Variants in ATF2 observed in about 807,000 individuals in gnomAD.
The protein encoded by ATF2 is activating transcription factor 2, also known as cyclic AMP-dependent transcription factor ATF-2.
Under a neutral mutation model 60.6 loss-of-function variants are expected in ATF2, and 24 were observed. The ratio of observed to expected loss-of-function variants is 0.40; its 90% CI spans 0.29 to 0.56. The LOEUF (loss-of-function observed/expected upper bound fraction) is 0.56, where lower values mean the gene tolerates loss of function less well. Among genes scored for constraint, ATF2 ranks in the 20% least tolerant of loss-of-function variants. ATF2 has a pLI of 0.54. For missense variants in ATF2, 433 were observed against 607.7 expected, an observed-to-expected ratio of 0.71 and a Z score of 3.02; for synonymous variants, 206 against 215.4, an observed-to-expected ratio of 0.96 and a Z score of 0.38.
intron 11 of ATF2, among the ~76,000 whole-genome samples, chr2:175,095,924 C>A (rs1694904903): frequency 6.6e-6 from 1 of 152,050 alleles, no homozygotes; most frequent in African/African-American, 2.4e-5. Flanking sequence ...ATTGTTAAAC[C>A]CTGAGGTATA....
At chr2:175,109,670 C>T (rs1242546241) in intron 10 of ATF2, among the ~76,000 whole-genome samples, 2 of 152,168 alleles carry the variant, frequency 1.3e-5, no homozygotes, top group African/African-American at 4.8e-5. Flanking sequence ...AGATGCAGTA[C>T]ACAATAACAG....
At chr2:175,154,482 T>TA (rs937925664) in intron 1 of ATF2, among the ~76,000 whole-genome samples, 5 of 151,366 alleles carry the variant, frequency 3.3e-5, no homozygotes, top group Non-Finnish European at 2.9e-5. Context: ...AACTTTTTTT[T>TA]AAAAAAAAGT....
At chr2:175,144,028 A>T (rs1331933409) in intron 2 of ATF2, among the ~76,000 whole-genome samples, 2 of 152,132 alleles carry the variant, frequency 1.3e-5, no homozygotes, top group Non-Finnish European at 2.9e-5. Context: ...TCCTAGGCTC[A>T]AGCCATCCTC....
intron 13 of ATF2, among the ~76,000 whole-genome samples, chr2:175,079,670 T>C (rs212349): frequency 0.21 from 31,449 of 152,084 alleles, 3,908 homozygotes; most frequent in African/African-American, 0.36. Context: ...AAACTGCTTA[T>C]AATGACTACA....
At chr2:175,144,770 G>A (rs1574476676) in intron 2 of ATF2, among the ~76,000 whole-genome samples, 1 of 152,322 alleles carries the variant, frequency 6.6e-6, no homozygotes, top group Non-Finnish European at 1.5e-5. Context: ...GCAGCCTGAT[G>A]TGAGCTGTCA....
At chr2:175,107,644 T>C (rs1695772276) in intron 10 of ATF2, among the ~76,000 whole-genome samples, 1 of 152,154 alleles carries the variant, frequency 6.6e-6, no homozygotes, top group Non-Finnish European at 1.5e-5. Context: ...TGCCGCCATC[T>C]CTGCTCACTG....
chr2:175,089,225 G>T (rs2105574478), intron 12 of ATF2, among the ~76,000 whole-genome samples: 1 of 151,542 alleles, frequency 6.6e-6, no homozygotes, highest in East Asian at 1.9e-4. Flanking sequence ...TTCAATTTTT[G>T]GTCTAGATTA....
At chr2:175,148,875 C>A (rs936604104) in intron 2 of ATF2, among the ~76,000 whole-genome samples, 1 of 152,122 alleles carries the variant, frequency 6.6e-6, no homozygotes, top group African/African-American at 2.4e-5. Flanking sequence ...AGTTGTCCTA[C>A]CTTTCTGGAC....
At chr2:175,167,605 G>A (rs1215592680) in intron 1 of ATF2, 2 of 480,498 alleles carry the variant, frequency 4.2e-6, no homozygotes, top group South Asian at 1.5e-5. Context: ...GGAGACCAGA[G>A]TGGGCCCTCT....
At chr2:175,087,171 G>T (rs1168368043) in intron 12 of ATF2, among the ~76,000 whole-genome samples, 2 of 152,102 alleles carry the variant, frequency 1.3e-5, no homozygotes, top group Non-Finnish European at 2.9e-5. Flanking sequence ...TCTACTATTT[G>T]TGAGTTAGTA....
At chr2:175,150,836 A>T (rs982191776) in intron 2 of ATF2, among the ~76,000 whole-genome samples, 1 of 152,172 alleles carries the variant, frequency 6.6e-6, no homozygotes, top group Non-Finnish European at 1.5e-5. Context: ...TATTTAACCT[A>T]AGTCCTCATT....
intron 1 of ATF2, among the ~76,000 whole-genome samples, chr2:175,151,674 A>G (rs1439740327): frequency 6.6e-6 from 1 of 152,190 alleles, no homozygotes; most frequent in African/African-American, 2.4e-5. Flanking sequence ...TGTTAATGAT[A>G]GAAAACTCAA....
In ATF2 at chr2:175,146,877, A is replaced by C. The variant is rs557892868; in HGVS notation, c.-44+4183T>G. Among the ~76,000 whole-genome samples the C allele has an allele frequency of 1.1e-4, 16 of 152,132 alleles. 3 individuals carry two copies. Among genetic ancestry groups the C allele is most frequent in the African/African-American group, 3.9e-4 (16 of 41,520 alleles). The stretch of plus-strand genomic sequence containing the variant: ...CTGGGGCTCCTGAAACTTATCCTCC[A>C]CAGATAACGGGGGAGTACTGTATAA... On this transcript the variant is annotated intron_variant, in intron 2 of 13. Coordinates refer to ENST00000264110, the MANE Select transcript of ATF2 (RefSeq NM_001880.4).
At chr2:175,162,271 G>C (rs541181763) in intron 1 of ATF2, among the ~76,000 whole-genome samples, 1 of 152,226 alleles carries the variant, frequency 6.6e-6, no homozygotes, top group African/African-American at 2.4e-5. Context: ...GTATGATATG[G>C]CCAACTAAAT....
chr2:175,162,332 T>C (rs1416516928), intron 1 of ATF2, among the ~76,000 whole-genome samples: 1 of 152,216 alleles, frequency 6.6e-6, no homozygotes, highest in Non-Finnish European at 1.5e-5. Context: ...TAATTCCCAA[T>C]TAGGTAATCA....
intron 7 of ATF2, among the ~76,000 whole-genome samples, chr2:175,116,549 T>A (rs916588127): frequency 6.6e-6 from 1 of 151,956 alleles, no homozygotes; most frequent in Non-Finnish European, 1.5e-5. Flanking sequence ...CCTATGCCCA[T>A]AGAAATTTGG....
At chr2:175,099,989 A>G (rs1695202196) in intron 10 of ATF2, among the ~76,000 whole-genome samples, 1 of 152,244 alleles carries the variant, frequency 6.6e-6, no homozygotes, top group African/African-American at 2.4e-5. Flanking sequence ...AGGATCTGGC[A>G]TGTTTTCTCC....
At chr2:175,089,424 T>C (rs1694390798) in intron 12 of ATF2, among the ~76,000 whole-genome samples, 1 of 152,216 alleles carries the variant, frequency 6.6e-6, no homozygotes, top group Admixed American at 6.5e-5. Context: ...ATATAAAATA[T>C]ATAAGTAAAC....
At position 175,080,727 on chromosome 2, in the gene ATF2, C is replaced by T. The variant is rs1300901070; in HGVS notation, c.1224G>A (p.Leu408=). The T allele has an allele frequency of 6.2e-7, 1 of 1,613,152 alleles. No homozygotes were observed. Among genetic ancestry groups the T allele is most frequent in the Admixed American group, 1.7e-5 (1 of 59,952 alleles). Residue 408 remains leucine (L), a synonymous_variant, in exon 13 of 14, where the codon CTG becomes CTA. Transcript: ENST00000264110. ...CTTTATGAGCCAGAAGAAGCTGTTT[C>T]AGCTGTGCCACTTCATTTCTCAGCA... ...VTLLRNEVAQ[L]KQLLLAHKDC...
Sources: allele counts gnomAD v4.1 joint callset (sites outside exome capture counted in the v4.1 genomes callset), GRCh38; gene constraint gnomAD v4.1.1; transcripts MANE v1.5; gene names NCBI Gene and HGNC (gene_info 2026-07-23, HGNC 2026-07-21).